Variants in SCFD2 observed in about 807,000 individuals in gnomAD.
The protein encoded by SCFD2 is sec1 family domain containing 2.
Under a neutral mutation model 58.9 loss-of-function variants are expected in SCFD2, and 54 were observed. The observed-to-expected ratio is 0.92, with a 90% CI of 0.74 to 1.15. The LOEUF is 1.15. Ranked by LOEUF, SCFD2 falls within the 50% of genes most tolerant of loss-of-function variation. The pLI, the probability that SCFD2 is intolerant of heterozygous loss-of-function variation, is 0.00. For synonymous variants in SCFD2, 321 were observed against 335.9 expected (o/e 0.96, Z 0.49); for missense variants, 805 against 836.6 (o/e 0.96, Z 0.47).
chr4:53,138,894 C>T (rs1246185799), intron 5 of SCFD2, among the ~76,000 whole-genome samples: 5 of 150,316 alleles, frequency 3.3e-5, no homozygotes, highest in African/African-American at 1.2e-4. Flanking sequence ...TCCGTCTCCC[C>T]TTTGCACGGT....
chr4:53,084,612 T>C (rs1302343512), intron 5 of SCFD2, among the ~76,000 whole-genome samples: 1 of 152,216 alleles, frequency 6.6e-6, no homozygotes, highest in Non-Finnish European at 1.5e-5. Context: ...CATATTAATA[T>C]GAAATCTTCA....
At chr4:53,318,406 CTT>C (rs1279651540) in intron 2 of SCFD2, among the ~76,000 whole-genome samples, 1 of 152,054 alleles carries the variant, frequency 6.6e-6, no homozygotes, top group African/African-American at 2.4e-5. Context: ...TTGTACAACT[CTT>C]GGGTCAGAAG....
intron 5 of SCFD2, among the ~76,000 whole-genome samples, chr4:52,993,911 G>A (rs1463234242): frequency 6.6e-6 from 1 of 152,242 alleles, no homozygotes; most frequent in Non-Finnish European, 1.5e-5. Flanking sequence ...GATGACTGGG[G>A]GCGTGTACTG....
chr4:52,910,353 T>C (rs1406632212), intron 6 of SCFD2, among the ~76,000 whole-genome samples: 1 of 152,210 alleles, frequency 6.6e-6, no homozygotes, highest in Non-Finnish European at 1.5e-5. Flanking sequence ...AGCAGAGAGC[T>C]GGAGAAACCT....
At chr4:53,123,132 G>T (rs944791235) in intron 5 of SCFD2, among the ~76,000 whole-genome samples, 1 of 152,148 alleles carries the variant, frequency 6.6e-6, no homozygotes, top group Admixed American at 6.5e-5. Flanking sequence ...TGAATAGCAT[G>T]CTGGATATTT....
intron 5 of SCFD2, among the ~76,000 whole-genome samples, chr4:53,027,257 CT>C (rs112313567): frequency 2.0e-3 from 291 of 145,058 alleles, no homozygotes; most frequent in East Asian, 4.0e-3. Context: ...CCACACACTT[CT>C]TTTTTTTTTT....
At chr4:53,357,412 G>C (rs1049544739) in intron 1 of SCFD2, among the ~76,000 whole-genome samples, 1 of 150,732 alleles carries the variant, frequency 6.6e-6, no homozygotes, top group Non-Finnish European at 1.5e-5. Context: ...CTGGGCAATA[G>C]TGCAAGACTC....
intron 5 of SCFD2, among the ~76,000 whole-genome samples, chr4:53,010,866 TA>T (rs1722078580): frequency 6.6e-6 from 1 of 152,188 alleles, no homozygotes; most frequent in Admixed American, 6.5e-5. Flanking sequence ...GCAGGTAGTG[TA>T]ATCAGTTATG....
intron 5 of SCFD2, among the ~76,000 whole-genome samples, chr4:53,043,229 C>A (rs1456684612): frequency 1.3e-5 from 2 of 152,166 alleles, no homozygotes; most frequent in African/African-American, 2.4e-5. Context: ...AGGAAAGGCA[C>A]TGTGGGGAAT....
chr4:53,073,553 G>T (rs1458246826), intron 5 of SCFD2, among the ~76,000 whole-genome samples: 4 of 152,022 alleles, frequency 2.6e-5, no homozygotes, highest in Non-Finnish European at 5.9e-5. Flanking sequence ...ACTGCATTTG[G>T]ACTATCCTCT....
At chr4:53,290,677 AAAAT>A (rs548339648) in intron 3 of SCFD2, among the ~76,000 whole-genome samples, 8 of 152,000 alleles carry the variant, frequency 5.3e-5, no homozygotes, top group African/African-American at 1.9e-4. Context: ...AAAAGATGGA[AAAAT>A]AAATAAAGTT....
chr4:53,346,320 G>A (rs1399413259), intron 2 of SCFD2, among the ~76,000 whole-genome samples: 1 of 149,642 alleles, frequency 6.7e-6, no homozygotes, highest in African/African-American at 2.5e-5. Context: ...TGTTGCCCAG[G>A]ATGGAGTGCA....
chr4:53,086,004 C>T (rs1724294948), intron 5 of SCFD2, among the ~76,000 whole-genome samples: 1 of 152,074 alleles, frequency 6.6e-6, no homozygotes, highest in Non-Finnish European at 1.5e-5. Context: ...TAAAATATCC[C>T]ACAAGCACAG....
intron 4 of SCFD2, among the ~76,000 whole-genome samples, chr4:53,224,170 CA>C (rs1729129938): frequency 6.6e-6 from 1 of 152,110 alleles, no homozygotes; most frequent in African/African-American, 2.4e-5. Flanking sequence ...GCGGGTGGAT[CA>C]TGAGGTCAGG....
intron 5 of SCFD2, among the ~76,000 whole-genome samples, chr4:52,934,045 C>T (rs1358983124): frequency 1.3e-5 from 2 of 152,200 alleles, no homozygotes; most frequent in African/African-American, 2.4e-5. Flanking sequence ...CAGAACCATA[C>T]ACTTCTATTG....
At chr4:53,052,595 T>C (rs1293284842) in intron 5 of SCFD2, among the ~76,000 whole-genome samples, 2 of 152,324 alleles carry the variant, frequency 1.3e-5, no homozygotes, top group African/African-American at 2.4e-5. Flanking sequence ...TACTGACAGA[T>C]CCTTGATCCT....
chr4:53,072,902 AGACAGTGATGTCGCTTC>A (rs1341827057), intron 5 of SCFD2, among the ~76,000 whole-genome samples: 1 of 152,254 alleles, frequency 6.6e-6, no homozygotes, highest in East Asian at 1.9e-4. Context: ...TATTTACCCC[AGACAGTGATGTCGCTTC>A]ATTAGTCCCT....
chr4:53,024,478 C>T (rs368526812), intron 5 of SCFD2, among the ~76,000 whole-genome samples: 40 of 152,256 alleles, frequency 2.6e-4, no homozygotes, highest in African/African-American at 9.1e-4. Context: ...AGTAGGCAAG[C>T]TATAAATAGT....
At chr4:52,899,606 G>A (rs1386868600) in intron 7 of SCFD2, among the ~76,000 whole-genome samples, 1 of 152,088 alleles carries the variant, frequency 6.6e-6, no homozygotes, top group Non-Finnish European at 1.5e-5. Context: ...TTCAACTTTG[G>A]TGAATCTGAC....
Sources: gnomAD v4.1 joint callset for allele counts (sites outside exome capture counted in the v4.1 genomes callset) on GRCh38, gnomAD v4.1.1 for gene constraint, MANE v1.5 for transcripts, NCBI Gene and HGNC (gene_info 2026-07-23, HGNC 2026-07-21) for gene names.